The following SYT7 variants were observed in gnomAD, a reference collection of about 807,000 sequenced individuals.
SYT7 encodes synaptotagmin 7.
In SYT7, 29 loss-of-function variants were observed where a neutral mutation model predicts 75.1. The observed-to-expected ratio is 0.39, with a 90% CI of 0.29 to 0.53. The LOEUF is 0.53. Among genes scored for constraint, SYT7 ranks in the 20% least tolerant of loss-of-function variants. The pLI, the probability that SYT7 is intolerant of heterozygous loss-of-function variation, is 0.77. For synonymous variants in SYT7, 376 were observed against 401.7 expected (o/e 0.94, Z 0.76); for missense variants, 693 against 953.2 (o/e 0.73, Z 3.59).
At chr11:61,540,924 T>TA (rs2063024363) in intron 6 of SYT7, 1 of 985,368 alleles carries the variant, frequency 1.0e-6, no homozygotes, top group South Asian at 4.7e-5. Flanking sequence ...GGCGTCCAGT[T>TA]AGATTCCTGC....
At chr11:61,547,117 G>A (rs2063214409) in intron 4 of SYT7, 60 bp downstream of exon 4, 1 of 1,517,320 alleles carries the variant, frequency 6.6e-7, no homozygotes, top group Non-Finnish European at 8.8e-7. Context: ...GGCAGGAGGA[G>A]GGAAGGAGGG....
intron 8 of SYT7, chr11:61,530,761 G>C: frequency 1.0e-6 from 1 of 973,540 alleles, no homozygotes; most frequent in Non-Finnish European, 1.2e-6. Flanking sequence ...TGGCCAGGTA[G>C]GTTTCACCTG....
intron 9 of SYT7, among the ~76,000 whole-genome samples, chr11:61,525,106 C>T (rs537579668): frequency 3.7e-4 from 57 of 152,352 alleles, no homozygotes; most frequent in African/African-American, 1.3e-3. Context: ...GTCCCCTTCT[C>T]TACTGCCACC....
chr11:61,584,593 C>T (rs2064347293), upstream of SYT7, among the ~76,000 whole-genome samples: 1 of 152,176 alleles, frequency 6.6e-6, no homozygotes, highest in African/African-American at 2.4e-5. Flanking sequence ...CATTAGAAGG[C>T]TAATCTCTCC....
At chr11:61,519,724 C>A (rs1330034616) in intron 12 of SYT7, among the ~76,000 whole-genome samples, 2 of 152,216 alleles carry the variant, frequency 1.3e-5, no homozygotes, top group Non-Finnish European at 2.9e-5. Flanking sequence ...ACGCTAACAA[C>A]TGGGGAGGCT....
intron 1 of SYT7, among the ~76,000 whole-genome samples, chr11:61,559,705 T>G (rs537456305): frequency 4.1e-4 from 62 of 152,124 alleles, no homozygotes; most frequent in Admixed American, 1.8e-3. Flanking sequence ...GCTCCCTCCT[T>G]TTTTGTCAAA....
intron 5 of SYT7, among the ~76,000 whole-genome samples, chr11:61,543,096 C>A (rs1565184926): frequency 6.6e-6 from 1 of 152,202 alleles, no homozygotes; most frequent in Admixed American, 6.5e-5. Flanking sequence ...GCCTAGTAAT[C>A]CTGGGGAGGC....
rs752221992 is a variant in SYT7, at chr11:61,517,958, T to C, written c.*669A>G. The C allele has an allele frequency of 3.2e-5, 6 of 189,844 alleles. No individual in the cohort carries two copies. Among genetic ancestry groups the C allele is most frequent in the Non-Finnish European group, 5.3e-5 (5 of 93,556 alleles). The allele number at this position is 189,844 out of a possible 1,614,324, so 11.8% of individuals were successfully genotyped here. ...CCGACCCCACTCAGCCCTATGGGCC[T>C]CTCCTCTCACACCCCCGGCCTCCAA... On this transcript the variant is annotated 3_prime_UTR_variant, in exon 13 of 13. Transcript: ENST00000539008.
At chr11:61,556,415 G>A (rs2063503247) in intron 1 of SYT7, among the ~76,000 whole-genome samples, 1 of 152,200 alleles carries the variant, frequency 6.6e-6, no homozygotes, top group African/African-American at 2.4e-5. Context: ...CTGTAAAATG[G>A]GGAAACTGTG....
chr11:61,571,928 C>T (rs1163974294), intron 1 of SYT7, among the ~76,000 whole-genome samples: 1 of 152,182 alleles, frequency 6.6e-6, no homozygotes, highest in Non-Finnish European at 1.5e-5. Flanking sequence ...GACTGTGTTG[C>T]CACCTGGGCT....
intron 6 of SYT7, among the ~76,000 whole-genome samples, chr11:61,538,908 G>A (rs1337986555): frequency 6.6e-6 from 1 of 152,172 alleles, no homozygotes; most frequent in Non-Finnish European, 1.5e-5. Flanking sequence ...AGCCAGGTAG[G>A]GTCTAAGGAG....
chr11:61,532,903 A>G (rs2135150215), intron 8 of SYT7, 86 bp downstream of exon 8: 1 of 1,556,158 alleles, frequency 6.4e-7, no homozygotes, highest in Non-Finnish European at 8.7e-7. Context: ...CCATGCTGTT[A>G]ATCATTCCCA....
chr11:61,532,998 C>T lies in SYT7; in HGVS notation c.1191G>A (p.Glu397=), dbSNP rs1416005917. The T allele has an allele frequency of 1.9e-6, 3 of 1,613,320 alleles. No homozygotes were observed. The African/African-American group carries it at 4.0e-5, about 22-fold the overall frequency. The part of the protein sequence containing the change: ...VSDLVNSLTS[E]MLMLSPGSEE... ...GCTCCCTCATTCTCACCATGAGCAT[C>T]TCGCTGGTGAGGGAGTTGACGAGGT... Residue 397 remains glutamate, a synonymous_variant, in exon 8 of 13, where the codon GAG becomes GAA. Coordinates refer to ENST00000539008, the MANE Select transcript of SYT7 (RefSeq NM_001365809.2).
intron 6 of SYT7, chr11:61,541,258 T>C (rs2063033957): frequency 8.1e-6 from 8 of 985,430 alleles, no homozygotes; most frequent in Non-Finnish European, 9.6e-6. Flanking sequence ...TGAAAAGTGC[T>C]CCCAGGGAAG....
In SYT7 at chr11:61,527,836, TG is replaced by T. The variant is rs1256872927; in HGVS notation, c.1471+78del. The T allele has an allele frequency of 6.5e-6, 10 of 1,543,712 alleles. No homozygotes were observed. The African/African-American group carries it at 1.4e-4, about 21-fold the overall frequency. The stretch of plus-strand genomic sequence containing the variant: ...GTGTACACATATGTGTCTGTGCATG[TG>T]GCCACAAGTGTGGTTGGGTAGGGGG... On this transcript the variant is annotated intron_variant, in intron 9 of 12. Coordinates refer to ENST00000539008, the MANE Select transcript of SYT7 (RefSeq NM_001365809.2).
In SYT7 at chr11:61,524,297, C is replaced by G; in HGVS notation, c.1641+66G>C. 1 of 1,585,580 alleles carries G rather than the reference C, an allele frequency of 6.3e-7. No homozygotes were observed. On this transcript the variant is annotated intron_variant, in intron 10 of 12. Transcript: ENST00000539008. The surrounding 1 kb of genome is among the most constrained non-coding windows in gnomAD (Gnocchi z 4.1). ...TGGCCTTCCTAAGGTTGACAAGGGTCTGGGACCAGATCTCCCAGCCCTGCC... is the reference window on the plus strand; with the variant it reads ...TGGCCTTCCTAAGGTTGACAAGGGTGTGGGACCAGATCTCCCAGCCCTGCC...
intron 6 of SYT7, chr11:61,541,297 C>T (rs918182806): frequency 2.0e-6 from 2 of 985,464 alleles, no homozygotes; most frequent in Non-Finnish European, 2.4e-6. Context: ...ATCCCCAGGG[C>T]CTGGAAGGAA....
At chr11:61,564,937 AG>A (rs1220928439) in intron 1 of SYT7, among the ~76,000 whole-genome samples, 3 of 152,172 alleles carry the variant, frequency 2.0e-5, no homozygotes, top group Admixed American at 2.0e-4. Flanking sequence ...TGGACAGTCT[AG>A]GAGTGGGAAG....
intron 1 of SYT7, among the ~76,000 whole-genome samples, chr11:61,567,717 G>A (rs1192532655): frequency 6.6e-6 from 1 of 152,224 alleles, no homozygotes; most frequent in South Asian, 2.1e-4. Context: ...TGGCTGGCGC[G>A]GGCACTGCAC....
Sources: gnomAD v4.1 joint callset for allele counts (sites outside exome capture counted in the v4.1 genomes callset) on GRCh38, gnomAD v4.1.1 for gene constraint, Gnocchi (gnomAD v3.1) non-coding constraint, MANE v1.5 for transcripts, NCBI Gene and HGNC (gene_info 2026-07-23, HGNC 2026-07-21) for gene names.